Variants in TUSC3 observed in about 807,000 individuals in gnomAD.
The protein encoded by TUSC3 is tumor suppressor candidate 3.
A neutral mutation model predicts 44.8 loss-of-function variants in TUSC3; 45 were observed. The ratio of observed to expected loss-of-function variants is 1.00; its 90% CI spans 0.79 to 1.29. The LOEUF (loss-of-function observed/expected upper bound fraction) is 1.29. Ranked by LOEUF, TUSC3 falls within the 50% of genes most tolerant of loss-of-function variation. The pLI is 0.00. For missense variants in TUSC3, 519 were observed against 437.9 expected, an observed-to-expected ratio of 1.19 and a Z score of -1.65; for synonymous variants, 212 against 152.9, an observed-to-expected ratio of 1.39 and a Z score of -2.85.
intron 6 of TUSC3, among the ~76,000 whole-genome samples, chr8:15,710,443 G>A (rs902690255): frequency 1.3e-5 from 2 of 151,672 alleles, no homozygotes; most frequent in Admixed American, 6.6e-5. Context: ...AGTTCTGACC[G>A]AACAAGGGCC....
At chr8:15,596,380 A>T (rs1364193375) in intron 1 of TUSC3, among the ~76,000 whole-genome samples, 3 of 152,210 alleles carry the variant, frequency 2.0e-5, no homozygotes, top group Non-Finnish European at 4.4e-5. Flanking sequence ...ACTTTTACAC[A>T]GAATTTTTCT....
At chr8:15,828,415 T>C in the TUSC3 span, among the ~76,000 whole-genome samples, 615 of 152,336 alleles carry the variant, frequency 4.0e-3, 9 homozygotes, top group African/African-American at 0.014. Context: ...TCTGTTACCA[T>C]TGAACAGAGC....
At chr8:15,825,074 C>T in the TUSC3 span, among the ~76,000 whole-genome samples, 2 of 152,100 alleles carry the variant, frequency 1.3e-5, no homozygotes, top group East Asian at 3.9e-4. Context: ...CTCCTATGAC[C>T]ATGCTATTAT....
At position 15,735,939 on chromosome 8, in the gene TUSC3, A is replaced by G. The variant is rs907594997; in HGVS notation, c.862+5210A>G. Among the ~76,000 whole-genome samples the G allele has an allele frequency of 2.7e-5, 4 of 150,390 alleles. No individual in the cohort carries two copies. In the South Asian group the frequency reaches 8.4e-4, roughly 32 times the overall value. ...GAGACGGGGTTTCACTGTGTTAGCC[A>G]GGATGGTCTCGATCTCCTGACCTCG... On this transcript the variant is annotated intron_variant, in intron 7 of 10. Coordinates refer to ENST00000503731, the MANE Select transcript of TUSC3 (RefSeq NM_006765.4).
intron 6 of TUSC3, among the ~76,000 whole-genome samples, chr8:15,687,594 T>C (rs1250048445): frequency 6.6e-6 from 1 of 152,198 alleles, no homozygotes; most frequent in East Asian, 1.9e-4. Flanking sequence ...CATGCATTCT[T>C]GATCCTAACG....
intron 1 of TUSC3, among the ~76,000 whole-genome samples, chr8:15,467,688 C>G (rs368280010): frequency 1.7e-4 from 26 of 152,124 alleles, no homozygotes; most frequent in African/African-American, 5.6e-4. Flanking sequence ...GACTTTTTGC[C>G]TTTGAATGTA....
the TUSC3 span, among the ~76,000 whole-genome samples, chr8:15,810,488 C>T: frequency 4.2e-3 from 643 of 151,918 alleles, 5 homozygotes; most frequent in African/African-American, 0.015. Context: ...TAATTAAAAA[C>T]TTAGCTGGGT....
rs145871498 is a variant in TUSC3, at chr8:15,646,259, T to C, written c.309-4438T>C. On this transcript the variant is annotated intron_variant, in intron 2 of 10. Transcript: ENST00000503731. ...TGCACGTGGTTAAGAATGGACATAG[T>C]ATGTTCGTGAAACACAGACTATTTG... Among the ~76,000 whole-genome samples the C allele has an allele frequency of 4.9e-3, 748 of 152,240 alleles. 6 individuals carry two copies. The highest frequency in any genetic ancestry group is 0.017 in the African/African-American group (711 of 41,580).
At chr8:15,760,705 C>T (rs191708194) in intron 10 of TUSC3, among the ~76,000 whole-genome samples, 31 of 152,236 alleles carry the variant, frequency 2.0e-4, no homozygotes, top group African/African-American at 7.2e-4. Flanking sequence ...TTTTGCACTA[C>T]GACAGTTCAG....
At chr8:15,460,563 T>A (rs1800331657) in intron 1 of TUSC3, among the ~76,000 whole-genome samples, 1 of 152,206 alleles carries the variant, frequency 6.6e-6, no homozygotes, top group Non-Finnish European at 1.5e-5. Context: ...TCTGGTTTTA[T>A]TCCATTTGCT....
downstream of TUSC3, among the ~76,000 whole-genome samples, chr8:15,767,051 G>C (rs1812351925): frequency 6.6e-6 from 1 of 151,984 alleles, no homozygotes; most frequent in Admixed American, 6.6e-5. Context: ...TGCTATATTG[G>C]ATCAGACCAA....
At chr8:15,846,157 C>A in the TUSC3 span, among the ~76,000 whole-genome samples, 17 of 152,268 alleles carry the variant, frequency 1.1e-4, no homozygotes, top group East Asian at 9.7e-4. Flanking sequence ...GATATAATTC[C>A]AGTTGAGATT....
chr8:15,748,853 A>G (rs1811539098), intron 9 of TUSC3: 3 of 410,962 alleles, frequency 7.3e-6, no homozygotes, highest in Admixed American at 3.3e-5. Flanking sequence ...TTTGAATTCT[A>G]CAAAATTTTA....
the TUSC3 span, among the ~76,000 whole-genome samples, chr8:15,791,967 T>A: frequency 6.6e-6 from 1 of 152,148 alleles, no homozygotes; most frequent in East Asian, 1.9e-4. Flanking sequence ...TTCTTAGTAT[T>A]TAAAGGAGCG....
At chr8:15,472,022 A>T (rs1404152371) in intron 1 of TUSC3, among the ~76,000 whole-genome samples, 1 of 148,038 alleles carries the variant, frequency 6.8e-6, no homozygotes, top group Non-Finnish European at 1.5e-5. Context: ...AATAGGCTAA[A>T]CTGTGTAAGT....
chr8:15,622,136 C>G (rs1250911926), intron 1 of TUSC3, among the ~76,000 whole-genome samples: 1 of 152,116 alleles, frequency 6.6e-6, no homozygotes, highest in East Asian at 1.9e-4. Context: ...TTAAATGGCA[C>G]ATTTCAAGCC....
At chr8:15,810,575 C>A in the TUSC3 span, among the ~76,000 whole-genome samples, 1 of 151,988 alleles carries the variant, frequency 6.6e-6, no homozygotes, top group East Asian at 1.9e-4. Context: ...GAGGTCAAGG[C>A]TGCAATGAGC....
chr8:15,767,813 G>C (rs765527290), downstream of TUSC3, among the ~76,000 whole-genome samples: 2 of 152,130 alleles, frequency 1.3e-5, no homozygotes, highest in African/African-American at 2.4e-5. Flanking sequence ...AAATGAAGAA[G>C]CCACTGCTGC....
At chr8:15,708,485 T>G (rs1418354511) in intron 6 of TUSC3, among the ~76,000 whole-genome samples, 3 of 151,974 alleles carry the variant, frequency 2.0e-5, no homozygotes, top group Non-Finnish European at 2.9e-5. Flanking sequence ...AATGGCTTCC[T>G]AAATGAAAGT....
Sources: allele counts gnomAD v4.1 joint callset (sites outside exome capture counted in the v4.1 genomes callset), GRCh38; gene constraint gnomAD v4.1.1; transcripts MANE v1.5; gene names NCBI Gene and HGNC (gene_info 2026-07-23, HGNC 2026-07-21).